Variants in OPLAH observed in about 807,000 individuals in gnomAD.
OPLAH encodes 5-oxoprolinase, ATP-hydrolysing.
Under a neutral mutation model 122.8 loss-of-function variants are expected in OPLAH, and 103 were observed. That is an observed-to-expected ratio of 0.84 (90% CI 0.71 to 0.99). The LOEUF (loss-of-function observed/expected upper bound fraction) is 0.99. Among genes scored for constraint, OPLAH ranks in the 50% least tolerant of loss-of-function variants. The pLI is 0.00. For synonymous variants in OPLAH, 875 were observed against 796.0 expected (o/e 1.10, Z -1.67); for missense variants, 1,902 against 1,836.5 (o/e 1.04, Z -0.65).
chr8:144,054,492 G>T (rs1427566777), intron 19 of OPLAH, 69 bp downstream of exon 19: 5 of 1,472,836 alleles, frequency 3.4e-6, no homozygotes, highest in Non-Finnish European at 4.6e-6. Flanking sequence ...GGTCCAGCCA[G>T]GCCTGCTTGC....
At position 144,057,545 on chromosome 8, in the gene OPLAH, G is replaced by A. The variant is rs782586591; in HGVS notation, c.1325C>T (p.Pro442Leu). Residue 442 changes from proline (P) to leucine (L), a missense_variant, in exon 10 of 27, where the codon CCC (proline) becomes CTC (leucine). Transcript: ENST00000618853. ...TEVNSFLTNG[P>L]CPASPLSLEE... ...CAGGCTCAGCGGGGAGGCCGGGCAG[G>A]GCCCGTTGGTCAGGAAGCTGTTGAC... is the stretch of plus-strand genomic sequence containing the variant. 1 of 1,591,612 alleles carries A rather than the reference G, an allele frequency of 6.3e-7. No individual in the cohort carries two copies. The highest frequency in any genetic ancestry group is 2.2e-5 in the East Asian group (1 of 44,606).
In OPLAH at chr8:144,052,329, G is replaced by A. The variant is rs367840187; in HGVS notation, c.3304-3C>T. ...AGGGTCACGTTGTTCATGCAGCCCTGGTGAGGGCACCTGGTCGCTGCGCTG... is the reference window on the plus strand; with the variant it reads ...AGGGTCACGTTGTTCATGCAGCCCTAGTGAGGGCACCTGGTCGCTGCGCTG... On this transcript the variant is annotated splice_polypyrimidine_tract_variant and splice_region_variant and intron_variant, in intron 23 of 26. Transcript: ENST00000618853. 5.5e-5 allele frequency: 83 copies of A among 1,519,002 alleles called. No individual in the cohort carries two copies. Among genetic ancestry groups the A allele is most frequent in the Non-Finnish European group, 5.5e-5 (63 of 1,136,332 alleles). The allele number at this position is 1,519,002 out of a possible 1,614,324, so 94.1% of individuals were successfully genotyped here.
Position 144,059,993 on chromosome 8 carries a change from G to A in OPLAH, c.40C>T (p.Arg14Cys), listed in dbSNP as rs782666503. Reference sequence around the variant, plus strand: ...AAGACGTCTGTGAAGGTACCCCCACGGTCGATGGCAAAGTGGAAGCGGCCC... The same window carrying A: ...AAGACGTCTGTGAAGGTACCCCCACAGTCGATGGCAAAGTGGAAGCGGCCC... ...PEGRFHFAID[R>C]GGTFTDVFAQ... is the part of the protein sequence containing the mutation. The change falls in exon 2 of 27, where the codon CGT becomes TGT. Residue 14 changes from arginine (R) to cysteine (C), a missense_variant. Arg to Cys is a radical substitution (Grantham distance 180). Around this residue, in one of 3 missense-constraint regions of OPLAH, gnomAD observed 168 missense variants for 170.6 expected, o/e 0.98. Transcript: ENST00000618853. 5.0e-6 allele frequency: 8 copies of A among 1,612,574 alleles called. No homozygotes were observed. In the South Asian group the frequency reaches 5.5e-5, roughly 11 times the overall value.
intron 15 of OPLAH, 29 bp downstream of exon 15, chr8:144,056,118 T>A: frequency 6.3e-7 from 1 of 1,587,382 alleles, no homozygotes; most frequent in Non-Finnish European, 8.6e-7. Flanking sequence ...CCCGTCCACA[T>A]CCTCCACCCT....
chr8:144,058,205 G>A, intron 7 of OPLAH, 34 bp downstream of exon 7: 1 of 1,604,724 alleles, frequency 6.2e-7, no homozygotes, highest in Non-Finnish European at 8.5e-7. Flanking sequence ...CAGCAGCTGA[G>A]CCTCCCCGAG....
At chr8:144,056,324 C>A in intron 14 of OPLAH, 61 bp downstream of exon 14, 1 of 1,596,370 alleles carries the variant, frequency 6.3e-7, no homozygotes, top group South Asian at 1.1e-5. Context: ...TCTCACAGGG[C>A]TTGGTCCCCA....
chr8:144,053,212 A>C lies in OPLAH; in HGVS notation c.2868T>G (p.Ile956Met). The change falls in exon 20 of 27, where the codon ATT becomes ATG. Residue 956 changes from isoleucine (I) to methionine (M), a missense_variant. By Grantham distance (10) the Ile-to-Met change is conservative. Transcript: ENST00000618853. ...LDVVQAYMGH[I>M]QANAELAVRD... Reference sequence around the variant, plus strand: ...ACACTCCTGTGCCCAGGCCCACCTGAATATGGCCCATGTAGGCCTGCACCA... The same window carrying C: ...ACACTCCTGTGCCCAGGCCCACCTGCATATGGCCCATGTAGGCCTGCACCA... The C allele has an allele frequency of 6.2e-7, 1 of 1,612,564 alleles. No homozygotes were observed. The highest frequency in any genetic ancestry group is 8.5e-7 in the Non-Finnish European group (1 of 1,179,688).
intron 19 of OPLAH, among the ~76,000 whole-genome samples, chr8:144,054,350 C>A (rs1450123553): frequency 6.6e-6 from 1 of 152,220 alleles, no homozygotes; most frequent in Non-Finnish European, 1.5e-5. Flanking sequence ...AAAACCACCC[C>A]TCGGGAGGCC....
upstream of OPLAH, among the ~76,000 whole-genome samples, chr8:144,063,247 G>A (rs1206994751): frequency 3.9e-5 from 6 of 152,076 alleles, no homozygotes; most frequent in African/African-American, 7.2e-5. The surrounding 1 kb of genome is among the most constrained non-coding windows in gnomAD (Gnocchi z 4.2). Context: ...CCAGCGAGCT[G>A]CCCCAGCCCC....
chr8:144,054,970 T>TGGGGGGGGG, intron 17 of OPLAH, 57 bp from the exon 18 acceptor site: 1 of 306,198 alleles, frequency 3.3e-6, no homozygotes, highest in Non-Finnish European at 4.7e-6. Flanking sequence ...CAGAGCGGGG[T>TGGGGGGGGG]GGGGGGGGGG....
At chr8:144,056,312 C>G (rs542338036) in intron 14 of OPLAH, 53 bp from the exon 15 acceptor site, 2 of 1,595,682 alleles carry the variant, frequency 1.3e-6, no homozygotes, top group Admixed American at 1.7e-5. Flanking sequence ...CTCCCCGATG[C>G]CTCTCACAGG....
chr8:144,054,452 G>A (rs1564289411), intron 19 of OPLAH, 109 bp downstream of exon 19: 1 of 1,200,962 alleles, frequency 8.3e-7, no homozygotes, highest in Non-Finnish European at 1.1e-6. Flanking sequence ...CAGCCTCAAG[G>A]CAGGCCTGGG....
At position 144,051,357 on chromosome 8, in the gene OPLAH, T is replaced by A. The variant is rs374220743; in HGVS notation, c.3836A>T (p.Tyr1279Phe). The change falls in exon 27 of 27, where the codon TAT becomes TTT. Residue 1279 changes from tyrosine (Y) to phenylalanine (F), a missense_variant. By Grantham distance (22) the Tyr-to-Phe change is conservative (BLOSUM62 3). Coordinates refer to ENST00000618853, the MANE Select transcript of OPLAH (RefSeq NM_017570.5). Reference protein sequence around the residue: ...ALAFPEHGSVYEYRRAQEAV With the variant: ...ALAFPEHGSVFEYRRAQEAV ...GGCCTCCTGGGCCCGGCGATACTCA[T>A]AGACGCTGCCGTGCTCGGGAAAGGC... 3.4e-5 allele frequency: 54 copies of A among 1,610,938 alleles called. 1 individual carries two copies. In the South Asian group the frequency reaches 5.9e-4, roughly 18 times the overall value.
rs200620019 is a variant in OPLAH, at chr8:144,053,012, G to A, written c.2989C>T (p.Arg997Cys). ...CTCAGGCTGATCTGCACACGGAGGC[G>A]GATGGGGGAACCGTCGTCCATGTGG... is the stretch of plus-strand genomic sequence containing the variant. ...EDHMDDGSPIRLRVQISLSQG... is the reference protein window; with the variant it reads ...EDHMDDGSPICLRVQISLSQG... Residue 997 changes from arginine (R) to cysteine (C), a missense_variant, in exon 21 of 27, where the codon CGC (arginine) becomes TGC (cysteine). Physicochemically the swap from Arg to Cys is radical, Grantham distance 180. This residue lies in a region of OPLAH where 1,726 missense variants were observed against 1,642.1 expected (regional missense o/e 1.05). Transcript: ENST00000618853. The A allele has an allele frequency of 1.5e-3, 2,419 of 1,603,564 alleles. 4 individuals carry two copies. Among genetic ancestry groups the A allele is most frequent in the South Asian group, 1.7e-3 (153 of 89,396 alleles).
chr8:144,056,736 T>A lies in OPLAH; in HGVS notation c.1726A>T (p.Ser576Cys), dbSNP rs992985461. The A allele has an allele frequency of 7.5e-6, 12 of 1,609,856 alleles. No individual in the cohort carries two copies. Among genetic ancestry groups the A allele is most frequent in the Non-Finnish European group, 1.0e-5 (12 of 1,178,542 alleles). Residue 576 changes from serine to cysteine, a missense_variant, in exon 13 of 27, where the codon AGC becomes TGC. Transcript: ENST00000618853. ...CCCTGGTAGCGCAGGTGCAGGAAGC[T>A]CTCAGTGCTGATCTGGGACCTGCAG... Reference protein sequence around the residue: ...GFPRSQISTESFLHLRYQGTD... With the variant: ...GFPRSQISTECFLHLRYQGTD...
At position 144,053,006 on chromosome 8, in the gene OPLAH, G is replaced by T; in HGVS notation, c.2995C>A (p.Arg999Ser). 6.2e-7 allele frequency: 1 copy of T among 1,602,978 alleles called. No homozygotes were observed. Among genetic ancestry groups the T allele is most frequent in the African/African-American group, 1.3e-5 (1 of 74,836 alleles). The change falls in exon 21 of 27, where the codon CGT becomes AGT. Residue 999 changes from arginine (R) to serine (S), a missense_variant. Physicochemically the swap from Arg to Ser is moderately radical, Grantham distance 110. Transcript: ENST00000618853. ...HMDDGSPIRL[R>S]VQISLSQGSA... ...ACCTGACTCAGGCTGATCTGCACACGGAGGCGGATGGGGGAACCGTCGTCC... is the reference window on the plus strand; with the variant it reads ...ACCTGACTCAGGCTGATCTGCACACTGAGGCGGATGGGGGAACCGTCGTCC...
rs373664201 is a variant in OPLAH, at chr8:144,052,323, A to G, written c.3307T>C (p.Cys1103Arg). 1.0e-4 allele frequency: 153 copies of G among 1,518,732 alleles called. No individual in the cohort carries two copies. Among genetic ancestry groups the G allele is most frequent in the Admixed American group, 1.2e-4 (6 of 49,128 alleles). 94.1% of individuals were successfully genotyped at this position (1,518,732 alleles called of 1,614,324 possible). Residue 1103 changes from cysteine (C) to arginine (R), a missense_variant, in exon 24 of 27, where the codon TGC becomes CGC. Cys to Arg is a radical substitution (Grantham distance 180). Around this residue, in one of 3 missense-constraint regions of OPLAH, gnomAD observed 1,726 missense variants for 1,642.1 expected, o/e 1.05. Coordinates refer to ENST00000618853, the MANE Select transcript of OPLAH (RefSeq NM_017570.5). ...TTGCCCAGGGTCACGTTGTTCATGC[A>G]GCCCTGGTGAGGGCACCTGGTCGCT... ...AFGACAASQGCMNNVTLGNAH... is the reference protein window; with the variant it reads ...AFGACAASQGRMNNVTLGNAH...
upstream of OPLAH, chr8:144,063,560 G>C (rs914673636): frequency 6.5e-6 from 1 of 152,756 alleles, no homozygotes; most frequent in African/African-American, 2.4e-5. The surrounding 1 kb of genome is among the most constrained non-coding windows in gnomAD (Gnocchi z 4.2). Context: ...CTGCTCAGAG[G>C]TCACTTTCCC....
intron 3 of OPLAH, 98 bp downstream of exon 3, chr8:144,059,501 A>G: frequency 7.9e-7 from 1 of 1,263,150 alleles, no homozygotes; most frequent in Non-Finnish European, 1.1e-6. Context: ...GGTGCCCATG[A>G]GCCATCACTA....
Sources: gnomAD v4.1 joint callset for allele counts (sites outside exome capture counted in the v4.1 genomes callset) on GRCh38, gnomAD v4.1.1 for gene constraint, gnomAD v4.1.1 regional missense constraint, Gnocchi (gnomAD v3.1) non-coding constraint, MANE v1.5 for transcripts, NCBI Gene and HGNC (gene_info 2026-07-23, HGNC 2026-07-21) for gene names.